Variants in CCDC93 observed in about 807,000 individuals in gnomAD.
CCDC93 encodes the protein coiled-coil domain-containing protein 93.
A neutral mutation model predicts 108.2 loss-of-function variants in CCDC93; 61 were observed. The ratio of observed to expected loss-of-function variants is 0.56; its 90% confidence interval spans 0.46 to 0.70. The LOEUF (loss-of-function observed/expected upper bound fraction) is 0.70, where lower values mean the gene tolerates loss of function less well. CCDC93 is among the 30% of genes least tolerant of loss of function. The probability of loss-of-function intolerance (pLI) is 0.00; values close to 1 mark genes in which losing one functional copy is unlikely to be tolerated. For missense variants in CCDC93, 685 were observed against 764.2 expected (o/e 0.90, Z 1.22); for synonymous variants, 276 against 260.4 (o/e 1.06, Z -0.58).
At chr2:117,996,438 C>CTT in intron 4 of CCDC93, 76 bp from the exon 5 acceptor site, 3 of 949,824 alleles carry the variant, frequency 3.2e-6, no homozygotes, top group Non-Finnish European at 5.1e-6. Flanking sequence ...CAGACATGGC[C>CTT]CAACTCATGA....
At chr2:117,979,139 T>G (rs1170417958) in intron 7 of CCDC93, among the ~76,000 whole-genome samples, 2 of 152,182 alleles carry the variant, frequency 1.3e-5, no homozygotes, top group East Asian at 3.9e-4. Context: ...TTGTCCAACT[T>G]CTGCATTGGC....
chr2:117,940,128 T>C (rs1028906030), intron 19 of CCDC93, among the ~76,000 whole-genome samples: 5 of 152,078 alleles, frequency 3.3e-5, no homozygotes, highest in South Asian at 2.1e-4. Context: ...AGACACAGAA[T>C]TGGCGAGCAG....
Position 117,931,144 on chromosome 2 carries a change from T to G in CCDC93, c.1735A>C (p.Lys579Gln). 6.2e-7 allele frequency: 1 copy of G among 1,610,788 alleles called. No homozygotes were observed. The highest frequency in any genetic ancestry group is 8.5e-7 in the Non-Finnish European group (1 of 1,176,988). ...CTCATTTTGTTCTCTTGCTTTTTCT[T>G]TTCCATCTGTTGAAACATTGTGGGA... ...GIKQSRMKMEKKKQENKMRRD... is the reference protein window; with the variant it reads ...GIKQSRMKMEQKKQENKMRRD... Residue 579 changes from lysine to glutamine, a missense_variant, in exon 23 of 24, where the codon AAG (lysine) becomes CAG (glutamine). Coordinates refer to ENST00000376300, the MANE Select transcript of CCDC93 (RefSeq NM_019044.5).
Position 117,939,052 on chromosome 2 carries a change from T to G in CCDC93, c.1582A>C (p.Lys528Gln). The part of the protein sequence containing the change: ...FFTLYNTLDD[K>Q]KVYLEKEISL... The stretch of plus-strand genomic sequence containing the variant: ...ACCTCTTTTTCCAAATAAACCTTTT[T>G]ATCATCCAGGGTATTATATAAAGTG... The change falls in exon 20 of 24, where the codon AAA becomes CAA. Residue 528 changes from lysine (K) to glutamine (Q), a missense_variant. By Grantham distance (53) the Lys-to-Gln change is moderately conservative. Transcript: ENST00000376300. 6.2e-7 allele frequency: 1 copy of G among 1,600,562 alleles called. No homozygotes were observed. The highest frequency in any genetic ancestry group is 8.6e-7 in the Non-Finnish European group (1 of 1,168,342).
At chr2:117,955,317 A>C (rs981275973) in intron 12 of CCDC93, among the ~76,000 whole-genome samples, 11 of 152,142 alleles carry the variant, frequency 7.2e-5, no homozygotes, top group Non-Finnish European at 1.5e-4. Context: ...AAGCCTAAAA[A>C]AGGATGCATC....
intron 2 of CCDC93, 36 bp from the exon 3 acceptor site, chr2:118,006,852 T>C: frequency 3.0e-6 from 4 of 1,348,682 alleles, no homozygotes; most frequent in Non-Finnish European, 3.2e-6. Flanking sequence ...TTTTCTCTTT[T>C]TAGTTTGGGG....
intron 11 of CCDC93, among the ~76,000 whole-genome samples, chr2:117,960,353 C>A (rs1381123783): frequency 6.6e-6 from 1 of 152,208 alleles, no homozygotes; most frequent in Non-Finnish European, 1.5e-5. Context: ...GGCAGGCAGG[C>A]TCCAGTGGAT....
At position 117,958,406 on chromosome 2, in the gene CCDC93, A is replaced by C. The variant is rs778603020; in HGVS notation, c.964T>G (p.Leu322Val). ...SQLHRRKVIS[L>V]NKQIAQKTKH... ...GTCTTTTGCGCAATCTGTTTGTTCA[A>C]GGAAATGACTTTCCGGCGATGTAGC... The change falls in exon 12 of 24, where the codon TTG (leucine) becomes GTG (valine). Residue 322 changes from leucine (L) to valine (V), a missense_variant. Leu to Val is a conservative substitution (Grantham distance 32, BLOSUM62 1). Coordinates refer to ENST00000376300, the MANE Select transcript of CCDC93 (RefSeq NM_019044.5). The C allele has an allele frequency of 6.2e-7, 1 of 1,613,742 alleles. No individual in the cohort carries two copies. Among genetic ancestry groups the C allele is most frequent in the East Asian group, 2.2e-5 (1 of 44,884 alleles).
rs376640225 is a variant in CCDC93 at position 117,946,818 on chromosome 2, T to C, written c.1289A>G (p.Asp430Gly). 2 of 1,611,748 alleles carry C rather than the reference T, an allele frequency of 1.2e-6. No homozygotes were observed. Among genetic ancestry groups the C allele is most frequent in the African/African-American group, 2.7e-5 (2 of 74,906 alleles). ...NLKAERAPRG[D>G]EKTLSSGEPP... ...CTAATTCAGAGCCTTTACCTTTTCATCTCCACGTGGTGCTCTCTCAGCTTT... is the reference window on the plus strand; with the variant it reads ...CTAATTCAGAGCCTTTACCTTTTCACCTCCACGTGGTGCTCTCTCAGCTTT... Residue 430 changes from aspartate (D) to glycine (G), a missense_variant, in exon 16 of 24, where the codon GAT (aspartate) becomes GGT (glycine). Transcript: ENST00000376300.
At chr2:117,936,270 G>A (rs1678522973) in intron 21 of CCDC93, among the ~76,000 whole-genome samples, 1 of 152,046 alleles carries the variant, frequency 6.6e-6, no homozygotes. Context: ...TTGGGAACAG[G>A]TGGGCCTTGA....
intron 11 of CCDC93, among the ~76,000 whole-genome samples, chr2:117,963,112 C>A (rs931749278): frequency 5.3e-5 from 8 of 152,140 alleles, no homozygotes; most frequent in Admixed American, 2.0e-4. Flanking sequence ...TCAAATAGTT[C>A]CTACAGATAA....
intron 11 of CCDC93, 75 bp downstream of exon 11, chr2:117,973,833 G>A: frequency 1.8e-6 from 2 of 1,113,468 alleles, no homozygotes; most frequent in South Asian, 1.3e-5. Flanking sequence ...TGCTGGGGTA[G>A]TGGGGTAAGG....
intron 16 of CCDC93, 55 bp from the exon 17 acceptor site, chr2:117,945,637 GA>G: frequency 1.3e-6 from 2 of 1,491,530 alleles, no homozygotes; most frequent in Admixed American, 3.4e-5. Flanking sequence ...GAATAAGACA[GA>G]AGCCAAGGAT....
chr2:117,933,810 C>T (rs1678428778), intron 22 of CCDC93, among the ~76,000 whole-genome samples: 1 of 152,068 alleles, frequency 6.6e-6, no homozygotes, highest in Admixed American at 6.6e-5. Flanking sequence ...TATCTGGAGC[C>T]CTCTCTGAGA....
At chr2:117,957,827 G>A (rs546939321) in intron 12 of CCDC93, among the ~76,000 whole-genome samples, 2 of 152,226 alleles carry the variant, frequency 1.3e-5, no homozygotes, top group African/African-American at 4.8e-5. Flanking sequence ...GTGACCTGAG[G>A]CTAGGTCAGG....
chr2:117,969,564 T>C (rs1679694579), intron 11 of CCDC93, among the ~76,000 whole-genome samples: 1 of 152,172 alleles, frequency 6.6e-6, no homozygotes, highest in Non-Finnish European at 1.5e-5. Flanking sequence ...GCCCCTGACG[T>C]CTGAAAGCTA....
intron 6 of CCDC93, among the ~76,000 whole-genome samples, chr2:117,990,463 G>A (rs1334670685): frequency 6.6e-6 from 1 of 152,190 alleles, no homozygotes; most frequent in African/African-American, 2.4e-5. Flanking sequence ...TCATAAGCTC[G>A]GATGATAAAG....
At chr2:117,986,301 A>G (rs1039941688) in intron 6 of CCDC93, among the ~76,000 whole-genome samples, 14 of 151,528 alleles carry the variant, frequency 9.2e-5, no homozygotes, top group African/African-American at 3.4e-4. Context: ...GCACACATAT[A>G]TATCCTAAAC....
At chr2:117,953,788 G>C (rs896695533) in intron 12 of CCDC93, among the ~76,000 whole-genome samples, 6 of 151,974 alleles carry the variant, frequency 3.9e-5, no homozygotes, top group South Asian at 2.1e-4. Flanking sequence ...CGACTATGTG[G>C]AAGGCTGAGG....
Sources: gnomAD v4.1 joint callset for allele counts (sites outside exome capture counted in the v4.1 genomes callset) on GRCh38, gnomAD v4.1.1 for gene constraint, MANE v1.5 for transcripts, NCBI Gene and HGNC (gene_info 2026-07-23, HGNC 2026-07-21) for gene names.